Variants in WDR88 observed in about 807,000 individuals in gnomAD.
WDR88 encodes WD repeat-containing protein 88.
A neutral mutation model predicts 46.8 loss-of-function variants in WDR88; 40 were observed. The observed-to-expected ratio is 0.86, with a 90% CI of 0.66 to 1.11. The LOEUF is 1.11. Among genes scored for constraint, WDR88 ranks in the 50% most tolerant of loss-of-function variants. The probability of loss-of-function intolerance (pLI) is 0.00; values close to 1 mark genes in which losing one functional copy is unlikely to be tolerated. For synonymous variants in WDR88, 235 were observed against 240.7 expected, an observed-to-expected ratio of 0.98 and a Z score of 0.22; for missense variants, 562 against 602.4, an observed-to-expected ratio of 0.93 and a Z score of 0.70.
chr19:33,132,118 CCA>C lies in WDR88; in HGVS notation c.-50_-49del. ...CGGGCGCGGGCGCGGGCGCGCGGCG[CCA>C]CCGTTCCCATCCAGGCTTGTCGGCG... On this transcript the variant is annotated 5_prime_UTR_variant, in exon 1 of 11. Transcript: ENST00000355868. The C allele has an allele frequency of 6.7e-7, 1 of 1,503,476 alleles. No individual in the cohort carries two copies. Among genetic ancestry groups the C allele is most frequent in the Non-Finnish European group, 8.8e-7 (1 of 1,131,126 alleles). The allele number at this position is 1,503,476 out of a possible 1,614,324, so 93.1% of individuals were successfully genotyped here. A position where few individuals can be genotyped will look rare whatever the true frequency, so the allele number is the denominator to read the frequency against.
intron 10 of WDR88, chr19:33,174,126 A>G (rs1974085818): frequency 6.5e-6 from 10 of 1,529,948 alleles, no homozygotes; most frequent in Non-Finnish European, 3.5e-6. Context: ...TGCTGGGACT[A>G]CAGGCGCAAG....
chr19:33,136,901 ATCTAT>A (rs1973278399), intron 1 of WDR88, among the ~76,000 whole-genome samples: 1 of 151,228 alleles, frequency 6.6e-6, no homozygotes, highest in Non-Finnish European at 1.5e-5. Flanking sequence ...TTGGAGATAT[ATCTAT>A]TCAAATCCTT....
Position 33,151,206 on chromosome 19 carries a change from A to C in WDR88, c.705A>C (p.Ser235=). The C allele has an allele frequency of 6.2e-7, 1 of 1,613,804 alleles. No individual in the cohort carries two copies. The highest frequency in any genetic ancestry group is 8.5e-7 in the Non-Finnish European group (1 of 1,179,904). ...IKDHHTRSIT[S]CCFDPDSQRV... ...ATCATCACACAAGGTCCATCACGTC[A>C]TGCTGCTTTGACCCCGACAGCCAGA... The change falls in exon 6 of 11, where the codon TCA becomes TCC. Residue 235 remains serine, a synonymous_variant. Coordinates refer to ENST00000355868, the MANE Select transcript of WDR88 (RefSeq NM_173479.4).
rs368740683 is a variant in WDR88, at chr19:33,151,337, G to A, written c.809+27G>A. On this transcript the variant is annotated intron_variant, in intron 6 of 10. Coordinates refer to ENST00000355868, the MANE Select transcript of WDR88 (RefSeq NM_173479.4). ...TGAGTTGGACCCCAGGAGGCCAGAA[G>A]GGAGTTTGGGTGGGGCGTCCCCATT... The A allele has an allele frequency of 1.4e-4, 228 of 1,605,664 alleles. 2 individuals carry two copies. In the East Asian group the frequency reaches 4.2e-3, roughly 30 times the overall value.
rs995779331 is a variant in WDR88 at position 33,175,625 on chromosome 19, T to G, written c.*53T>G. On this transcript the variant is annotated 3_prime_UTR_variant, in exon 11 of 11. Coordinates refer to ENST00000355868, the MANE Select transcript of WDR88 (RefSeq NM_173479.4). Reference sequence around the variant, plus strand: ...AGCACAGGCTACCTAGCATGTAGGTTTCGGGGCTTTGCAGGGGCTTTCTCT... The same window carrying G: ...AGCACAGGCTACCTAGCATGTAGGTGTCGGGGCTTTGCAGGGGCTTTCTCT... 4.6e-4 allele frequency: 732 copies of G among 1,603,222 alleles called. 2 individuals are homozygous for G. The highest frequency in any genetic ancestry group is 3.5e-4 in the Non-Finnish European group (411 of 1,173,820).
intron 8 of WDR88, among the ~76,000 whole-genome samples, chr19:33,161,237 C>G (rs1176315260): frequency 6.6e-6 from 1 of 152,080 alleles, no homozygotes; most frequent in East Asian, 1.9e-4. Context: ...CCTAGTGAGG[C>G]ATGCACAGAA....
chr19:33,147,713 G>C lies in WDR88; in HGVS notation c.540+5G>C. 1 of 1,613,514 alleles carries C rather than the reference G, an allele frequency of 6.2e-7. No individual in the cohort carries two copies. The highest frequency in any genetic ancestry group is 8.5e-7 in the Non-Finnish European group (1 of 1,179,674). ...CTGGAGACAGGCAAGCTGCTGGTAC[G>C]TATGCCTGTCCAGTGGGGGCGTTGG... On this transcript the variant is annotated splice_donor_5th_base_variant and intron_variant, in intron 4 of 10. Coordinates refer to ENST00000355868, the MANE Select transcript of WDR88 (RefSeq NM_173479.4).
Position 33,148,814 on chromosome 19 carries a change from T to G in WDR88, c.583T>G (p.Ser195Ala), listed in dbSNP as rs964934511. 6 of 1,614,052 alleles carry G rather than the reference T, an allele frequency of 3.7e-6. No individual in the cohort carries two copies. The African/African-American group carries it at 8.0e-5, about 22-fold the overall frequency. ...YDTFIVSCKF[S>A]PDGKYVVSGF... The stretch of plus-strand genomic sequence containing the variant: ...TACCTTCATCGTCTCCTGTAAGTTT[T>G]CTCCTGATGGTAAATACGTGGTCTC... The change falls in exon 5 of 11, where the codon TCT becomes GCT. Residue 195 changes from serine (S) to alanine (A), a missense_variant. Ser to Ala is a moderately conservative substitution (Grantham distance 99). Coordinates refer to ENST00000355868, the MANE Select transcript of WDR88 (RefSeq NM_173479.4).
At chr19:33,165,128 G>A (rs1973932444) in intron 9 of WDR88, among the ~76,000 whole-genome samples, 1 of 152,134 alleles carries the variant, frequency 6.6e-6, no homozygotes, top group Admixed American at 6.6e-5. Flanking sequence ...AGCTCAGGTG[G>A]TAAAGCTAGT....
chr19:33,174,566 A>G (rs972790127), intron 10 of WDR88: 2 of 983,778 alleles, frequency 2.0e-6, no homozygotes, highest in Non-Finnish European at 2.4e-6. Context: ...GGCCAGAAAC[A>G]GGCTCAGGGA....
chr19:33,144,302 C>A (rs534061760), intron 2 of WDR88, among the ~76,000 whole-genome samples: 1 of 152,262 alleles, frequency 6.6e-6, no homozygotes, highest in South Asian at 2.1e-4. Flanking sequence ...CGGGTTCAAG[C>A]GATTCTCCTG....
intron 9 of WDR88, among the ~76,000 whole-genome samples, chr19:33,168,410 A>T (rs1268074338): frequency 6.6e-6 from 1 of 152,234 alleles, no homozygotes; most frequent in African/African-American, 2.4e-5. Flanking sequence ...AAAGCTAATA[A>T]ATGAATTCAA....
intron 9 of WDR88, among the ~76,000 whole-genome samples, chr19:33,165,888 C>T (rs937271934): frequency 1.5e-4 from 20 of 129,638 alleles, no homozygotes; most frequent in African/African-American, 5.0e-4. Context: ...GTGACAAGAG[C>T]GAAACTCTGT....
intron 9 of WDR88, among the ~76,000 whole-genome samples, chr19:33,172,063 C>T (rs1974047978): frequency 6.6e-6 from 1 of 152,184 alleles, no homozygotes; most frequent in African/African-American, 2.4e-5. Flanking sequence ...CGCGCCTGGC[C>T]ATACAGAATA....
At chr19:33,170,677 G>A (rs576599446) in intron 9 of WDR88, among the ~76,000 whole-genome samples, 1 of 152,170 alleles carries the variant, frequency 6.6e-6, no homozygotes, top group East Asian at 2.0e-4. Flanking sequence ...CCTGGGCAAC[G>A]TGCCCAAACC....
intron 1 of WDR88, among the ~76,000 whole-genome samples, chr19:33,134,840 A>ACCCCCCCCCCCCCCCCCCCCCCCCCCC (rs766617576): frequency 1.6e-5 from 1 of 62,406 alleles, no homozygotes. Flanking sequence ...CGTCCCCGAC[A>ACCCCCCCCCCCCCCCCCCCCCCCCCCC]CCCCCCCCCC....
intron 1 of WDR88, among the ~76,000 whole-genome samples, chr19:33,135,095 C>CT (rs200469439): frequency 1.3e-5 from 2 of 150,642 alleles, no homozygotes; most frequent in South Asian, 2.1e-4. Context: ...GCTCTGTCCT[C>CT]TTTTTTTCCC....
chr19:33,151,769 A>C (rs1479410799), intron 6 of WDR88, among the ~76,000 whole-genome samples: 1 of 152,048 alleles, frequency 6.6e-6, no homozygotes, highest in African/African-American at 2.4e-5. Flanking sequence ...AGTCCCAGCT[A>C]CTCAGGAGGC....
intron 2 of WDR88, among the ~76,000 whole-genome samples, chr19:33,140,789 C>CA (rs113986637): frequency 3.5e-4 from 49 of 139,136 alleles, no homozygotes; most frequent in Middle Eastern, 3.7e-3. Flanking sequence ...GACTCCGTCT[C>CA]AAAAAAAAAA....
Sources: allele counts gnomAD v4.1 joint callset (sites outside exome capture counted in the v4.1 genomes callset), GRCh38; gene constraint gnomAD v4.1.1; transcripts MANE v1.5; gene names NCBI Gene and HGNC (gene_info 2026-07-23, HGNC 2026-07-21).